Variants in SCHIP1 observed in about 807,000 individuals in gnomAD.
SCHIP1 encodes schwannomin interacting protein 1.
Under a neutral mutation model 29.7 loss-of-function variants are expected in SCHIP1, and 8 were observed. The ratio of observed to expected loss-of-function variants is 0.27; its 90% CI spans 0.16 to 0.49. SCHIP1 has a LOEUF of 0.49. Among genes scored for constraint, SCHIP1 ranks in the 20% least tolerant of loss-of-function variants. SCHIP1 has a pLI of 0.99. For missense variants in SCHIP1, 193 were observed against 294.6 expected (o/e 0.66, Z 2.52); for synonymous variants, 76 against 94.9 (o/e 0.80, Z 1.16).
the SCHIP1 span, among the ~76,000 whole-genome samples, chr3:159,828,388 CATATATACGTATAT>C: frequency 1.5e-5 from 1 of 65,328 alleles, no homozygotes; most frequent in Non-Finnish European, 3.3e-5. Context: ...TATATATATA[CATATATACGTATAT>C]ATATACGTAT....
At chr3:159,757,860 G>A in the SCHIP1 span, among the ~76,000 whole-genome samples, 5 of 152,112 alleles carry the variant, frequency 3.3e-5, no homozygotes, top group African/African-American at 1.2e-4. Flanking sequence ...ACGTTATAAG[G>A]TTTCCAGAAT....
At chr3:159,445,281 C>T in the SCHIP1 span, among the ~76,000 whole-genome samples, 3 of 151,980 alleles carry the variant, frequency 2.0e-5, no homozygotes, top group South Asian at 2.1e-4. Flanking sequence ...AAAAAATGCT[C>T]ACCATCACTG....
the SCHIP1 span, among the ~76,000 whole-genome samples, chr3:159,350,132 G>T: frequency 2.0e-5 from 3 of 152,068 alleles, no homozygotes; most frequent in African/African-American, 4.8e-5. Flanking sequence ...TCTGTGCTTA[G>T]CTCCTGCATT....
chr3:159,706,970 G>C, the SCHIP1 span, among the ~76,000 whole-genome samples: 1 of 152,294 alleles, frequency 6.6e-6, no homozygotes, highest in African/African-American at 2.4e-5. Flanking sequence ...GCACTCTTAA[G>C]TGCTGGAGAT....
the SCHIP1 span, among the ~76,000 whole-genome samples, chr3:159,377,120 G>T: frequency 1.3e-5 from 2 of 152,148 alleles, no homozygotes; most frequent in Non-Finnish European, 2.9e-5. Flanking sequence ...AGGGGTTGGA[G>T]GTAGATTAAC....
chr3:159,530,030 G>T, the SCHIP1 span, among the ~76,000 whole-genome samples: 1 of 152,120 alleles, frequency 6.6e-6, no homozygotes, highest in Non-Finnish European at 1.5e-5. Context: ...CCATATCTTG[G>T]CTATCGTGAA....
the SCHIP1 span, among the ~76,000 whole-genome samples, chr3:159,503,976 G>A: frequency 6.6e-6 from 1 of 152,222 alleles, no homozygotes; most frequent in South Asian, 2.1e-4. Flanking sequence ...AGGAAATTAA[G>A]TTTGTGCAAG....
chr3:159,499,987 AT>A, the SCHIP1 span, among the ~76,000 whole-genome samples: 46 of 149,590 alleles, frequency 3.1e-4, no homozygotes, highest in East Asian at 1.4e-3. Context: ...CATTTTATAC[AT>A]TTTTTTTTTT....
chr3:159,703,584 C>T, the SCHIP1 span, among the ~76,000 whole-genome samples: 2 of 152,178 alleles, frequency 1.3e-5, no homozygotes, highest in Non-Finnish European at 2.9e-5. Context: ...CTAGAACCAA[C>T]CCCTGACACT....
At chr3:159,680,574 T>G in the SCHIP1 span, among the ~76,000 whole-genome samples, 2 of 112,658 alleles carry the variant, frequency 1.8e-5, no homozygotes, top group African/African-American at 7.0e-5. Context: ...ATATGTATAA[T>G]ATATCTATAT....
the SCHIP1 span, among the ~76,000 whole-genome samples, chr3:159,573,710 T>C: frequency 6.6e-6 from 1 of 152,326 alleles, no homozygotes; most frequent in East Asian, 1.9e-4. Flanking sequence ...GTGTGTTCCA[T>C]CTTGGTTCCA....
chr3:159,309,811 A>G, the SCHIP1 span, among the ~76,000 whole-genome samples: 1 of 152,176 alleles, frequency 6.6e-6, no homozygotes, highest in East Asian at 1.9e-4. Context: ...TGCGGGGTCC[A>G]CCATGCAATA....
the SCHIP1 span, among the ~76,000 whole-genome samples, chr3:159,392,364 G>T: frequency 6.6e-6 from 1 of 152,034 alleles, no homozygotes; most frequent in Non-Finnish European, 1.5e-5. Flanking sequence ...ACATTGTGCA[G>T]GTTAGTTACA....
the SCHIP1 span, among the ~76,000 whole-genome samples, chr3:159,580,283 C>T: frequency 2.6e-5 from 4 of 152,134 alleles, no homozygotes; most frequent in African/African-American, 9.7e-5. Context: ...CCTGAAAATC[C>T]AAGGCCCTAT....
the SCHIP1 span, among the ~76,000 whole-genome samples, chr3:159,767,596 A>G: frequency 6.6e-6 from 1 of 152,208 alleles, no homozygotes; most frequent in Non-Finnish European, 1.5e-5. Flanking sequence ...ACCACTAGGA[A>G]TGGGGTATAC....
At chr3:159,820,024 G>A in the SCHIP1 span, among the ~76,000 whole-genome samples, 2 of 152,216 alleles carry the variant, frequency 1.3e-5, no homozygotes. Context: ...GTTGATCTTG[G>A]TTGGGATTGG....
the SCHIP1 span, among the ~76,000 whole-genome samples, chr3:159,441,494 G>A: frequency 6.6e-6 from 1 of 152,030 alleles, no homozygotes; most frequent in Non-Finnish European, 1.5e-5. Context: ...TGACAGGAGT[G>A]GGGAAGGGGG....
chr3:159,459,505 T>C, the SCHIP1 span, among the ~76,000 whole-genome samples: 1 of 151,864 alleles, frequency 6.6e-6, no homozygotes, highest in Non-Finnish European at 1.5e-5. Flanking sequence ...CACATAACTA[T>C]AGTAGATCAG....
At chr3:159,292,920 T>C in the SCHIP1 span, among the ~76,000 whole-genome samples, 1 of 152,146 alleles carries the variant, frequency 6.6e-6, no homozygotes, top group Non-Finnish European at 1.5e-5. Context: ...GCTGGGCAGA[T>C]TTTTCTCATC....
Sources: allele counts gnomAD v4.1 joint callset (sites outside exome capture counted in the v4.1 genomes callset), GRCh38; gene constraint gnomAD v4.1.1; transcripts MANE v1.5; gene names NCBI Gene and HGNC (gene_info 2026-07-23, HGNC 2026-07-21).